Variants in B4GALT5 observed in about 807,000 individuals in gnomAD.
The protein encoded by B4GALT5 is beta-1,4-galactosyltransferase 5, also known as UDP-Gal:beta-GlcNAc beta-1,4-galactosyltransferase 5.
Under a neutral mutation model 45.0 loss-of-function variants are expected in B4GALT5, and 11 were observed. The observed-to-expected ratio is 0.24, with a 90% CI of 0.15 to 0.40. B4GALT5 has a LOEUF of 0.40. B4GALT5 is among the 10% of genes least tolerant of loss of function. The pLI is 1.00. For synonymous variants in B4GALT5, 185 were observed against 182.9 expected (o/e 1.01, Z -0.09); for missense variants, 337 against 500.2 (o/e 0.67, Z 3.11).
At chr20:49,671,968 T>A (rs771922209) in intron 1 of B4GALT5, among the ~76,000 whole-genome samples, 11 of 152,158 alleles carry the variant, frequency 7.2e-5, no homozygotes, top group Non-Finnish European at 1.5e-4. Flanking sequence ...ACCCTAATAA[T>A]TCCCCTAATC....
At chr20:49,696,874 T>A (rs1011460860) in intron 1 of B4GALT5, among the ~76,000 whole-genome samples, 2 of 152,226 alleles carry the variant, frequency 1.3e-5, no homozygotes, top group Admixed American at 1.3e-4. Context: ...CTTACATAAA[T>A]AATCTACTGG....
intron 1 of B4GALT5, among the ~76,000 whole-genome samples, chr20:49,705,092 C>T (rs2085878710): frequency 6.6e-6 from 1 of 152,122 alleles, no homozygotes; most frequent in Non-Finnish European, 1.5e-5. Flanking sequence ...ATGCAACCAG[C>T]AGGAGCTGGA....
intron 3 of B4GALT5, among the ~76,000 whole-genome samples, chr20:49,644,852 T>C (rs1388471346): frequency 1.3e-5 from 2 of 152,192 alleles, no homozygotes; most frequent in Non-Finnish European, 2.9e-5. Context: ...ATTTTCCCTA[T>C]TTTCACTATA....
intron 2 of B4GALT5, among the ~76,000 whole-genome samples, chr20:49,650,502 T>A (rs999450466): frequency 6.8e-6 from 1 of 146,590 alleles, no homozygotes; most frequent in African/African-American, 2.5e-5. Flanking sequence ...CCGGGCATGG[T>A]GGCAGGTACT....
intron 3 of B4GALT5, among the ~76,000 whole-genome samples, chr20:49,646,013 C>A (rs2085597670): frequency 6.6e-6 from 1 of 152,030 alleles, no homozygotes; most frequent in East Asian, 1.9e-4. Context: ...TAGTAACACC[C>A]CATTTCTTAA....
intron 1 of B4GALT5, among the ~76,000 whole-genome samples, chr20:49,680,357 A>T (rs1465148804): frequency 6.6e-6 from 1 of 152,216 alleles, no homozygotes; most frequent in East Asian, 1.9e-4. Context: ...AGGTTGTTTT[A>T]AAAAATAATA....
intron 3 of B4GALT5, 36 bp from the exon 4 acceptor site, chr20:49,643,686 GA>G (rs1371647228): frequency 1.1e-5 from 17 of 1,594,712 alleles, no homozygotes; most frequent in Non-Finnish European, 1.5e-5. Context: ...TAAGAGGTCA[GA>G]AAATGATAGG....
rs200685629 is a variant in B4GALT5 at position 49,713,673 on chromosome 20, C to T, written c.18G>A (p.Gly6=). The change falls in exon 1 of 9, where the codon GGG becomes GGA. Residue 6 remains glycine (G), a synonymous_variant. Transcript: ENST00000371711. Reference sequence around the variant, plus strand: ...GCGAGCGGCGCGGCAGCCGCAGCAGCCCCCGGCGGGCGCGCATGCTGCAGC... The same window carrying T: ...GCGAGCGGCGCGGCAGCCGCAGCAGTCCCCGGCGGGCGCGCATGCTGCAGC... The part of the protein sequence containing the change: MRARR[G]LLRLPRRSLL... 8,329 of 1,519,590 alleles carry T rather than the reference C, an allele frequency of 5.5e-3. 338 individuals carry two copies. In the East Asian group the frequency reaches 0.093, roughly 17 times the overall value. The allele number at this position is 1,519,590 out of a possible 1,614,324, so 94.1% of individuals were successfully genotyped here.
At chr20:49,642,673 C>T (rs148328380) in intron 4 of B4GALT5, 89 bp from the exon 5 acceptor site, 2 of 842,704 alleles carry the variant, frequency 2.4e-6, no homozygotes, top group East Asian at 4.9e-5. Flanking sequence ...CTGACCAACC[C>T]ATGGGAGTTC....
intron 1 of B4GALT5, among the ~76,000 whole-genome samples, chr20:49,700,183 T>C (rs533350843): frequency 3.9e-5 from 6 of 152,312 alleles, no homozygotes; most frequent in African/African-American, 1.4e-4. Context: ...TTAACCTTGG[T>C]AAAATAAACT....
chr20:49,703,098 C>T (rs1302789445), intron 1 of B4GALT5, among the ~76,000 whole-genome samples: 4 of 139,560 alleles, frequency 2.9e-5, no homozygotes, highest in Non-Finnish European at 4.5e-5. Flanking sequence ...GGCACGAACC[C>T]GGGAGGCGGA....
At chr20:49,711,250 C>T (rs1275780614) in intron 1 of B4GALT5, among the ~76,000 whole-genome samples, 1 of 152,140 alleles carries the variant, frequency 6.6e-6, no homozygotes, top group Non-Finnish European at 1.5e-5. Context: ...AAGTGCTCTG[C>T]CTCTTTTTCA....
intron 1 of B4GALT5, among the ~76,000 whole-genome samples, chr20:49,679,670 C>T (rs2085756170): frequency 6.7e-6 from 1 of 149,828 alleles, no homozygotes; most frequent in Non-Finnish European, 1.5e-5. Context: ...AGTGAGACTA[C>T]ATCTTCAAAA....
chr20:49,640,787 G>T (rs2085573840), intron 5 of B4GALT5, 122 bp from the exon 6 acceptor site: 1 of 971,548 alleles, frequency 1.0e-6, no homozygotes, highest in East Asian at 2.7e-5. Context: ...AGTGTAACCA[G>T]GTCCAACACC....
At chr20:49,696,571 A>G (rs2085840406) in intron 1 of B4GALT5, among the ~76,000 whole-genome samples, 2 of 152,248 alleles carry the variant, frequency 1.3e-5, no homozygotes. Flanking sequence ...CTTATAGCAA[A>G]GAGATTGTAA....
Position 49,694,379 on chromosome 20 carries a change from C to T in B4GALT5, c.115+19197G>A, listed in dbSNP as rs146011858. Reference sequence around the variant, plus strand: ...TCAAAGGCAAATCAAAGTCTGGGCACGGTGGCTCACACATGTAACCCCAGC... The same window carrying T: ...TCAAAGGCAAATCAAAGTCTGGGCATGGTGGCTCACACATGTAACCCCAGC... On this transcript the variant is annotated intron_variant, in intron 1 of 8. Coordinates refer to ENST00000371711, the MANE Select transcript of B4GALT5 (RefSeq NM_004776.4). Among the ~76,000 whole-genome samples, 945 of 152,120 alleles carry T rather than the reference C, an allele frequency of 6.2e-3. 7 individuals are homozygous for T. Among genetic ancestry groups the T allele is most frequent in the Middle Eastern group, 0.017 (5 of 294 alleles).
In B4GALT5 at chr20:49,640,102, G is replaced by A. The variant is rs578124753; in HGVS notation, c.795-302C>T. Among the ~76,000 whole-genome samples, 6 of 151,962 alleles carry A rather than the reference G, an allele frequency of 3.9e-5. No homozygotes were observed. In the South Asian group the frequency reaches 1.2e-3, roughly 32 times the overall value. On this transcript the variant is annotated intron_variant, in intron 6 of 8. Transcript: ENST00000371711. ...TTAACATGTTTCATCACTGTCCCCCGCAAAGCCTTGCACCCATTAGCAATC... is the reference window on the plus strand; with the variant it reads ...TTAACATGTTTCATCACTGTCCCCCACAAAGCCTTGCACCCATTAGCAATC...
chr20:49,681,401 C>G (rs2085763598), intron 1 of B4GALT5, among the ~76,000 whole-genome samples: 1 of 151,910 alleles, frequency 6.6e-6, no homozygotes, highest in Non-Finnish European at 1.5e-5. Flanking sequence ...ACTAATTTCT[C>G]TCATTTTAAT....
chr20:49,651,496 G>A (rs1017848485), intron 2 of B4GALT5, among the ~76,000 whole-genome samples: 7 of 152,050 alleles, frequency 4.6e-5, no homozygotes, highest in African/African-American at 1.7e-4. Flanking sequence ...GGCTGAGGTA[G>A]GAGAATCGCT....
Sources: allele counts gnomAD v4.1 joint callset (sites outside exome capture counted in the v4.1 genomes callset), GRCh38; gene constraint gnomAD v4.1.1; transcripts MANE v1.5; gene names NCBI Gene and HGNC (gene_info 2026-07-23, HGNC 2026-07-21).